OPCML: variants seen among roughly 807,000 people sequenced by gnomAD.
OPCML encodes opioid-binding protein/cell adhesion molecule.
OPCML carries 13 observed loss-of-function variants against 37.8 expected under a neutral mutation model. That is an observed-to-expected ratio of 0.34 (90% CI 0.22 to 0.55). The LOEUF is 0.55. Among genes scored for constraint, OPCML ranks in the 20% least tolerant of loss-of-function variants. The pLI, the probability that OPCML is intolerant of heterozygous loss-of-function variation, is 0.91. For synonymous variants in OPCML, 176 were observed against 168.8 expected, an observed-to-expected ratio of 1.04 and a Z score of -0.33; for missense variants, 341 against 435.6, an observed-to-expected ratio of 0.78 and a Z score of 1.93.
At chr11:133,416,511 C>T (rs1379166804) in intron 1 of OPCML, among the ~76,000 whole-genome samples, 1 of 152,178 alleles carries the variant, frequency 6.6e-6, no homozygotes, top group Admixed American at 6.5e-5. Context: ...GCCAGTGTGC[C>T]AGGTGCCTGA....
intron 1 of OPCML, among the ~76,000 whole-genome samples, chr11:133,103,004 T>C (rs987142098): frequency 6.6e-6 from 1 of 152,178 alleles, no homozygotes; most frequent in Admixed American, 6.5e-5. Flanking sequence ...AGAGTATCCC[T>C]CTGAAGCTAC....
chr11:133,504,230 G>A (rs939158498), intron 1 of OPCML, among the ~76,000 whole-genome samples: 4 of 152,136 alleles, frequency 2.6e-5, no homozygotes, highest in South Asian at 2.1e-4. Context: ...ACACTTTCAC[G>A]GAGAACCCCC....
At chr11:133,017,208 T>C (rs7118047) in intron 1 of OPCML, among the ~76,000 whole-genome samples, 4,782 of 152,124 alleles carry the variant, frequency 0.031, 246 homozygotes, top group African/African-American at 0.11. Context: ...CTAATCCCAT[T>C]TGTGAGAGCT....
chr11:133,232,770 G>GA (rs1416343852), intron 1 of OPCML, among the ~76,000 whole-genome samples: 1 of 152,152 alleles, frequency 6.6e-6, no homozygotes, highest in Non-Finnish European at 1.5e-5. Flanking sequence ...AAAAGTGGGG[G>GA]AAAGAGGAGG....
At chr11:133,392,542 C>T (rs1250562382) in intron 1 of OPCML, among the ~76,000 whole-genome samples, 1 of 152,156 alleles carries the variant, frequency 6.6e-6, no homozygotes, top group East Asian at 1.9e-4. Flanking sequence ...GTCACCTGTC[C>T]TCCACACGTG....
intron 2 of OPCML, among the ~76,000 whole-genome samples, chr11:132,897,384 A>G (rs1006490325): frequency 2.0e-5 from 3 of 152,208 alleles, no homozygotes; most frequent in African/African-American, 7.2e-5. Flanking sequence ...CTGACCTACC[A>G]AGCCAGGAAG....
At chr11:132,747,297 GAA>G (rs1480822519) in intron 2 of OPCML, among the ~76,000 whole-genome samples, 1 of 152,116 alleles carries the variant, frequency 6.6e-6, no homozygotes, top group Non-Finnish European at 1.5e-5. Flanking sequence ...AGGAAGCAGT[GAA>G]AGTCATGAAC....
At chr11:133,129,138 T>G (rs1949565269) in intron 1 of OPCML, among the ~76,000 whole-genome samples, 1 of 152,186 alleles carries the variant, frequency 6.6e-6, no homozygotes, top group African/African-American at 2.4e-5. Context: ...GTTGAGAGTC[T>G]GGGGGAGATC....
chr11:132,554,114 G>C (rs1042016703), intron 3 of OPCML, among the ~76,000 whole-genome samples: 1 of 152,150 alleles, frequency 6.6e-6, no homozygotes, highest in Non-Finnish European at 1.5e-5. Context: ...GCTGGGACCT[G>C]AGATTTAGAT....
chr11:133,245,422 C>T (rs962757329), intron 1 of OPCML, among the ~76,000 whole-genome samples: 2 of 152,140 alleles, frequency 1.3e-5, no homozygotes, highest in Non-Finnish European at 2.9e-5. Flanking sequence ...GTTCAAGGGG[C>T]CAGGTCAAAG....
chr11:133,290,165 C>G (rs567565463), intron 1 of OPCML, among the ~76,000 whole-genome samples: 1 of 152,324 alleles, frequency 6.6e-6, no homozygotes, highest in South Asian at 2.1e-4. Flanking sequence ...AATGCAGCAT[C>G]ACAAAGTTCT....
chr11:132,980,441 C>G (rs1338018915), intron 1 of OPCML, among the ~76,000 whole-genome samples: 2 of 152,052 alleles, frequency 1.3e-5, no homozygotes, highest in Non-Finnish European at 2.9e-5. Context: ...TATTTGTTTC[C>G]CCTAGAACTA....
At chr11:133,164,838 T>C (rs886784248) in intron 1 of OPCML, among the ~76,000 whole-genome samples, 1 of 152,308 alleles carries the variant, frequency 6.6e-6, no homozygotes, top group Non-Finnish European at 1.5e-5. Flanking sequence ...ACATAAAACA[T>C]TGACATAGAA....
At chr11:133,340,638 G>A (rs1943848272) in intron 1 of OPCML, among the ~76,000 whole-genome samples, 1 of 151,056 alleles carries the variant, frequency 6.6e-6, no homozygotes. Flanking sequence ...GTGTGTGTGT[G>A]TGTGTGTGTG....
intron 3 of OPCML, among the ~76,000 whole-genome samples, chr11:132,638,176 T>TATATATATATATATATAC (rs1304449512): frequency 6.2e-5 from 9 of 144,814 alleles, no homozygotes; most frequent in South Asian, 4.4e-4. Context: ...TATATATATA[T>TATATATATATATATATAC]ATATATATAT....
At chr11:133,335,717 G>A (rs1943731643) in intron 1 of OPCML, among the ~76,000 whole-genome samples, 1 of 152,080 alleles carries the variant, frequency 6.6e-6, no homozygotes, top group Non-Finnish European at 1.5e-5. Context: ...AGTGTGTCTT[G>A]GACAATTAAC....
chr11:133,070,161 T>A (rs548006304), intron 1 of OPCML, among the ~76,000 whole-genome samples: 73 of 152,308 alleles, frequency 4.8e-4, no homozygotes, highest in African/African-American at 1.7e-3. Context: ...GCATCTGCAT[T>A]ACAAATTTAC....
At chr11:132,946,654 C>G (rs1188212955) in intron 1 of OPCML, among the ~76,000 whole-genome samples, 2 of 152,238 alleles carry the variant, frequency 1.3e-5, no homozygotes, top group Admixed American at 1.3e-4. Context: ...AGGTCCTTTC[C>G]AGAAAGCAGG....
At chr11:133,458,533 A>G (rs551333682) in intron 1 of OPCML, among the ~76,000 whole-genome samples, 10 of 108,302 alleles carry the variant, frequency 9.2e-5, no homozygotes, top group South Asian at 5.0e-4. Flanking sequence ...CTGTGTGTGT[A>G]TACACATATA....
Sources: gnomAD v4.1 joint callset for allele counts (sites outside exome capture counted in the v4.1 genomes callset) on GRCh38, gnomAD v4.1.1 for gene constraint, MANE v1.5 for transcripts, NCBI Gene and HGNC (gene_info 2026-07-23, HGNC 2026-07-21) for gene names.